The following SEL1L3 variants were observed in gnomAD, a reference collection of about 807,000 sequenced individuals.
SEL1L3 encodes SEL1L family member 3, also known as protein sel-1 homolog 3.
In SEL1L3, 76 loss-of-function variants were observed where a neutral mutation model predicts 142.8. The ratio of observed to expected loss-of-function variants is 0.53; its 90% confidence interval spans 0.44 to 0.64. The LOEUF (loss-of-function observed/expected upper bound fraction) is 0.64, where lower values mean the gene tolerates loss of function less well. Ranked by LOEUF, SEL1L3 falls within the 30% of genes least tolerant of loss-of-function variation. The pLI is 0.00. For synonymous variants in SEL1L3, 504 were observed against 519.6 expected (o/e 0.97, Z 0.41); for missense variants, 1,262 against 1,381.7 (o/e 0.91, Z 1.37).
chr4:25,807,058 GCGTATTATGC>G (rs1020169751), intron 9 of SEL1L3, among the ~76,000 whole-genome samples: 2 of 151,968 alleles, frequency 1.3e-5, no homozygotes, highest in African/African-American at 4.8e-5. Context: ...TACCAAAATG[GCGTATTATGC>G]CATTGTAGAG....
the SEL1L3 span, among the ~76,000 whole-genome samples, chr4:25,724,749 A>G: frequency 4.4e-4 from 42 of 95,992 alleles, 3 homozygotes; most frequent in African/African-American, 1.1e-3. Flanking sequence ...AAAAAAAAAA[A>G]AAAAAAAAAA....
At chr4:25,750,234 C>CAAAAA (rs10718046) in intron 23 of SEL1L3, among the ~76,000 whole-genome samples, 17 of 105,070 alleles carry the variant, frequency 1.6e-4, no homozygotes, top group African/African-American at 3.7e-4. Flanking sequence ...GACTCCATCT[C>CAAAAA]AAAAAAAAAA....
In SEL1L3 at chr4:25,776,373, A is replaced by C; in HGVS notation, c.2586-13T>G. 1 of 1,582,288 alleles carries C rather than the reference A, an allele frequency of 6.3e-7. No individual in the cohort carries two copies. The highest frequency in any genetic ancestry group is 8.7e-7 in the Non-Finnish European group (1 of 1,153,234). Reference sequence around the variant, plus strand: ...ATGTTTTGCCCATCTGAAAAAAAAAAGGGAAGAGAAAATACGCAAACCATG... The same window carrying C: ...ATGTTTTGCCCATCTGAAAAAAAAACGGGAAGAGAAAATACGCAAACCATG... On this transcript the variant is annotated splice_polypyrimidine_tract_variant and intron_variant, in intron 16 of 23. Coordinates refer to ENST00000399878, the MANE Select transcript of SEL1L3 (RefSeq NM_015187.5).
chr4:25,779,397 C>G (rs1443276929), intron 15 of SEL1L3, among the ~76,000 whole-genome samples, 194 bp from the exon 16 acceptor site: 1 of 152,194 alleles, frequency 6.6e-6, no homozygotes, highest in East Asian at 1.9e-4. Flanking sequence ...GACCTTGCCT[C>G]ATCTATTCTG....
chr4:25,850,721 C>A (rs188803773), intron 1 of SEL1L3, among the ~76,000 whole-genome samples: 41 of 152,336 alleles, frequency 2.7e-4, no homozygotes, highest in African/African-American at 9.4e-4. Flanking sequence ...ATAGTACATC[C>A]ACTCATGGAG....
At chr4:25,777,642 T>C (rs1340079699) in intron 16 of SEL1L3, 2 of 355,794 alleles carry the variant, frequency 5.6e-6, no homozygotes, top group Non-Finnish European at 5.5e-6. Flanking sequence ...TCAGAATATA[T>C]TCTCTGATCA....
chr4:25,798,881 G>A (rs1198945289), intron 11 of SEL1L3, among the ~76,000 whole-genome samples: 2 of 152,230 alleles, frequency 1.3e-5, no homozygotes, highest in Middle Eastern at 6.8e-3. Flanking sequence ...GTCTCCATCT[G>A]CTAGGGCTGC....
chr4:25,749,371 A>T (rs957596174), intron 23 of SEL1L3, among the ~76,000 whole-genome samples: 2 of 147,928 alleles, frequency 1.4e-5, no homozygotes, highest in Non-Finnish European at 3.0e-5. Flanking sequence ...TTTCTGATTT[A>T]AAAAAAAAAA....
At position 25,748,401 on chromosome 4, in the gene SEL1L3, C is replaced by A; in HGVS notation, c.*24G>T. On this transcript the variant is annotated 3_prime_UTR_variant, in exon 24 of 24. Coordinates refer to ENST00000399878, the MANE Select transcript of SEL1L3 (RefSeq NM_015187.5). ...AGCTGTTGAAAAGATTCTCTCTCAT[C>A]TGGAGAGAACTGGAGTGCACAGTTC... The A allele has an allele frequency of 6.3e-7, 1 of 1,593,468 alleles. No homozygotes were observed. The highest frequency in any genetic ancestry group is 8.5e-7 in the Non-Finnish European group (1 of 1,169,698).
At chr4:25,844,559 G>A (rs1016066483) in intron 2 of SEL1L3, among the ~76,000 whole-genome samples, 2 of 152,178 alleles carry the variant, frequency 1.3e-5, no homozygotes, top group African/African-American at 2.4e-5. Context: ...AGGAAAAGAC[G>A]TTTCACATTT....
chr4:25,733,526 T>TC, the SEL1L3 span, among the ~76,000 whole-genome samples: 1 of 147,302 alleles, frequency 6.8e-6, no homozygotes, highest in African/African-American at 2.5e-5. Context: ...TCCTTAGCTT[T>TC]TTTTTTTTTT....
At chr4:25,756,204 T>C in intron 23 of SEL1L3, 1 of 985,426 alleles carries the variant, frequency 1.0e-6, no homozygotes, top group Non-Finnish European at 1.2e-6. Context: ...TGTCTCTGTT[T>C]GCCTTCATGA....
chr4:25,741,907 C>T, the SEL1L3 span, among the ~76,000 whole-genome samples: 3 of 151,928 alleles, frequency 2.0e-5, no homozygotes, highest in African/African-American at 7.3e-5. Context: ...CTCTTGGGTT[C>T]CAGTGAGTCT....
At position 25,767,865 on chromosome 4, in the gene SEL1L3, G is replaced by A. The variant is rs534939979; in HGVS notation, c.2670-35C>T. The A allele has an allele frequency of 1.1e-5, 14 of 1,271,736 alleles. No individual in the cohort carries two copies. The African/African-American group carries it at 1.8e-4, about 16-fold the overall frequency. 78.8% of individuals were successfully genotyped at this position (1,271,736 alleles called of 1,614,324 possible). ...GATGATTAATAATAAATTTCATATA[G>A]TGGCTCTTACTAATATTCACAGAGA... On this transcript the variant is annotated intron_variant, in intron 17 of 23. Transcript: ENST00000399878.
chr4:25,733,510 T>A, the SEL1L3 span, among the ~76,000 whole-genome samples: 1 of 149,224 alleles, frequency 6.7e-6, no homozygotes, highest in South Asian at 2.1e-4. Context: ...TATTTTTTTT[T>A]TATATTCCTT....
chr4:25,763,311 T>C lies in SEL1L3; in HGVS notation c.2955+2015A>G, dbSNP rs377161751. Among the ~76,000 whole-genome samples the C allele has an allele frequency of 2.4e-4, 37 of 152,312 alleles. No individual in the cohort carries two copies. The East Asian group carries it at 6.0e-3, about 25-fold the overall frequency. On this transcript the variant is annotated intron_variant, in intron 20 of 23. Coordinates refer to ENST00000399878, the MANE Select transcript of SEL1L3 (RefSeq NM_015187.5). Reference sequence around the variant, plus strand: ...GAAGAAATGATAACAGAATAGATCATGTCCACTGAGTGTACTTGGCACTGG... The same window carrying C: ...GAAGAAATGATAACAGAATAGATCACGTCCACTGAGTGTACTTGGCACTGG...
In SEL1L3 at chr4:25,748,368, C is replaced by T; in HGVS notation, c.*57G>A. Reference sequence around the variant, plus strand: ...AGGATCATGCCCTGGCCCCAGCTTCCCAATACCAGCTGTTGAAAAGATTCT... The same window carrying T: ...AGGATCATGCCCTGGCCCCAGCTTCTCAATACCAGCTGTTGAAAAGATTCT... On this transcript the variant is annotated 3_prime_UTR_variant, in exon 24 of 24. Coordinates refer to ENST00000399878, the MANE Select transcript of SEL1L3 (RefSeq NM_015187.5). The T allele has an allele frequency of 6.5e-7, 1 of 1,529,692 alleles. No homozygotes were observed. The highest frequency in any genetic ancestry group is 1.2e-5 in the South Asian group (1 of 81,894). 94.8% of individuals were successfully genotyped at this position (1,529,692 alleles called of 1,614,324 possible).
intron 9 of SEL1L3, among the ~76,000 whole-genome samples, chr4:25,817,586 T>C (rs1414249978): frequency 6.6e-6 from 1 of 152,134 alleles, no homozygotes; most frequent in African/African-American, 2.4e-5. Context: ...CAAGTGTCTG[T>C]GGGCTCAGAC....
chr4:25,850,845 T>G (rs566767458), intron 1 of SEL1L3, among the ~76,000 whole-genome samples: 31 of 152,114 alleles, frequency 2.0e-4, no homozygotes, highest in African/African-American at 4.8e-4. Context: ...GTTTTCTTTT[T>G]TTTGTTTGTT....
Sources: allele counts gnomAD v4.1 joint callset (sites outside exome capture counted in the v4.1 genomes callset), GRCh38; gene constraint gnomAD v4.1.1; transcripts MANE v1.5; gene names NCBI Gene and HGNC (gene_info 2026-07-23, HGNC 2026-07-21).